The following BNC2 variants were observed in gnomAD, a reference collection of about 807,000 sequenced individuals.
BNC2 encodes the protein basonuclin zinc finger protein 2.
A neutral mutation model predicts 76.3 loss-of-function variants in BNC2; 20 were observed. The ratio of observed to expected loss-of-function variants is 0.26; its 90% CI spans 0.18 to 0.38. The LOEUF (loss-of-function observed/expected upper bound fraction) is 0.38, where lower values mean the gene tolerates loss of function less well. Ranked by LOEUF, BNC2 falls within the 10% of genes least tolerant of loss-of-function variation. The pLI is 1.00. For missense variants in BNC2, 1,382 were observed against 1,399.8 expected (o/e 0.99, Z 0.20); for synonymous variants, 582 against 514.8 (o/e 1.13, Z -1.77).
intron 1 of BNC2, among the ~76,000 whole-genome samples, chr9:16,798,650 T>C (rs1586892870): frequency 6.6e-6 from 1 of 152,196 alleles, no homozygotes; most frequent in African/African-American, 2.4e-5. Context: ...CTTTACCAAG[T>C]GCCATTCAGA....
intron 5 of BNC2, among the ~76,000 whole-genome samples, chr9:16,467,972 T>A (rs1587063060): frequency 6.6e-6 from 1 of 151,988 alleles, no homozygotes; most frequent in Non-Finnish European, 1.5e-5. Context: ...CTTCCAATTC[T>A]ATCCTTGAGT....
At chr9:16,864,762 T>C (rs2136224597) in intron 1 of BNC2, among the ~76,000 whole-genome samples, 1 of 152,308 alleles carries the variant, frequency 6.6e-6, no homozygotes, top group Non-Finnish European at 1.5e-5. Context: ...TGCTGGGATG[T>C]AACCGAGAAA....
intron 4 of BNC2, among the ~76,000 whole-genome samples, chr9:16,561,224 G>A (rs1819003622): frequency 6.7e-6 from 1 of 150,104 alleles, no homozygotes; most frequent in Non-Finnish European, 1.5e-5. Flanking sequence ...GGCAACAAGA[G>A]TGAAACTCCG....
At chr9:16,435,484 G>T in intron 6 of BNC2, 71 bp downstream of exon 6, 2 of 1,543,662 alleles carry the variant, frequency 1.3e-6, no homozygotes, top group Non-Finnish European at 8.9e-7. Context: ...TTCTTTTAGT[G>T]TGAAGTCCAA....
intron 1 of BNC2, among the ~76,000 whole-genome samples, chr9:16,741,744 G>A (rs549113013): frequency 2.0e-5 from 3 of 152,118 alleles, no homozygotes; most frequent in Non-Finnish European, 2.9e-5. Context: ...GATCACCTGA[G>A]GTCAGGAGTT....
intron 6 of BNC2, among the ~76,000 whole-genome samples, chr9:16,424,342 A>G (rs1563776639): frequency 2.0e-5 from 3 of 152,126 alleles, no homozygotes; most frequent in Non-Finnish European, 4.4e-5. Context: ...TAATGAACCA[A>G]GCTATAGGTT....
chr9:16,710,260 C>G (rs897139027), intron 3 of BNC2, among the ~76,000 whole-genome samples: 4 of 152,192 alleles, frequency 2.6e-5, no homozygotes, highest in Admixed American at 2.0e-4. Flanking sequence ...CAGAGATACT[C>G]AAGACAGAAA....
At chr9:16,474,256 A>C (rs1030682261) in intron 5 of BNC2, among the ~76,000 whole-genome samples, 2 of 152,274 alleles carry the variant, frequency 1.3e-5, no homozygotes, top group African/African-American at 4.8e-5. Flanking sequence ...AAAATAAATT[A>C]ACTCCACATA....
intron 4 of BNC2, among the ~76,000 whole-genome samples, chr9:16,558,669 G>A (rs1374623645): frequency 6.6e-6 from 1 of 152,174 alleles, no homozygotes; most frequent in African/African-American, 2.4e-5. Flanking sequence ...GGTGGCTCAT[G>A]CCTGTCATCC....
intron 1 of BNC2, among the ~76,000 whole-genome samples, chr9:16,778,802 T>C (rs1361644399): frequency 6.6e-6 from 1 of 152,106 alleles, no homozygotes; most frequent in Non-Finnish European, 1.5e-5. Flanking sequence ...CATTATCCTC[T>C]GTTAAATACA....
intron 5 of BNC2, among the ~76,000 whole-genome samples, chr9:16,490,763 G>A (rs920313034): frequency 1.3e-5 from 2 of 152,172 alleles, no homozygotes; most frequent in South Asian, 4.1e-4. Context: ...ACATTTAAGA[G>A]AAGAGTCCCA....
intron 5 of BNC2, among the ~76,000 whole-genome samples, chr9:16,526,857 T>C (rs1817820635): frequency 6.6e-6 from 1 of 151,886 alleles, no homozygotes; most frequent in Admixed American, 6.6e-5. Context: ...TACAATCCAG[T>C]AGGAGAAAAA....
chr9:16,468,591 T>C (rs1821747959), intron 5 of BNC2, among the ~76,000 whole-genome samples: 1 of 151,976 alleles, frequency 6.6e-6, no homozygotes, highest in Non-Finnish European at 1.5e-5. Context: ...AGACGAGGTT[T>C]CACCACGTTG....
chr9:16,784,715 A>G (rs1054383447), intron 1 of BNC2, among the ~76,000 whole-genome samples: 1 of 152,232 alleles, frequency 6.6e-6, no homozygotes, highest in African/African-American at 2.4e-5. Context: ...GTCTAAAGTT[A>G]AAGTGGGCAG....
intron 1 of BNC2, among the ~76,000 whole-genome samples, chr9:16,839,392 G>A: frequency 6.6e-6 from 1 of 152,074 alleles, no homozygotes; most frequent in African/African-American, 2.4e-5. Context: ...CTTCTATGTA[G>A]TACTAAAATA....
At chr9:16,850,810 A>T (rs529331353) in intron 1 of BNC2, among the ~76,000 whole-genome samples, 18 of 13,174 alleles carry the variant, frequency 1.4e-3, no homozygotes, top group East Asian at 4.6e-3. Flanking sequence ...AAAAGTAAAT[A>T]AAAAAAAAAA....
intron 3 of BNC2, chr9:16,665,120 G>A: frequency 4.4e-6 from 2 of 454,676 alleles, no homozygotes; most frequent in South Asian, 3.1e-5. Context: ...TGTAATCCCA[G>A]CACTTTGGAA....
rs540948011 is a variant in BNC2 at position 16,559,638 on chromosome 9, C to G, written c.434-6873G>C. Among the ~76,000 whole-genome samples, 12 of 152,324 alleles carry G rather than the reference C, an allele frequency of 7.9e-5. No individual in the cohort carries two copies. In the South Asian group the frequency reaches 1.9e-3, roughly 24 times the overall value. The stretch of plus-strand genomic sequence containing the variant: ...AGCAATCTGGGCTACTTGCCCATCA[C>G]TCTGCTGAAGCAAGCATTTCAAAGG... On this transcript the variant is annotated intron_variant, in intron 4 of 6. Coordinates refer to ENST00000380672, the MANE Select transcript of BNC2 (RefSeq NM_017637.6).
intron 4 of BNC2, among the ~76,000 whole-genome samples, chr9:16,577,041 C>A (rs768049329): frequency 2.0e-5 from 3 of 152,094 alleles, no homozygotes; most frequent in Non-Finnish European, 4.4e-5. Flanking sequence ...TGGCCCAAAA[C>A]CTTTTTGATT....
Sources: allele counts gnomAD v4.1 joint callset (sites outside exome capture counted in the v4.1 genomes callset), GRCh38; gene constraint gnomAD v4.1.1; transcripts MANE v1.5; gene names NCBI Gene and HGNC (gene_info 2026-07-23, HGNC 2026-07-21).